Variants in ANGPT4 observed in about 807,000 individuals in gnomAD.
ANGPT4 encodes the protein angiopoietin 4.
ANGPT4 carries 50 observed loss-of-function variants against 53.0 expected under a neutral mutation model. That is an observed-to-expected ratio of 0.94 (90% CI 0.75 to 1.20). The LOEUF is 1.20. ANGPT4 is among the 50% of genes most tolerant of loss of function. The probability of loss-of-function intolerance (pLI) is 0.00; values close to 1 mark genes in which losing one functional copy is unlikely to be tolerated. For synonymous variants in ANGPT4, 251 were observed against 259.7 expected, an observed-to-expected ratio of 0.97 and a Z score of 0.32; for missense variants, 648 against 637.1, an observed-to-expected ratio of 1.02 and a Z score of -0.18.
At position 880,726 on chromosome 20, in the gene ANGPT4, C is replaced by T. The variant is rs184385197; in HGVS notation, c.951+445G>A. Among the ~76,000 whole-genome samples the T allele has an allele frequency of 1.7e-3, 254 of 152,312 alleles. 2 individuals are homozygous for T. The highest frequency in any genetic ancestry group is 5.8e-3 in the African/African-American group (241 of 41,566). ...GATGACTTGACCTTAAATTTTAGGA[C>T]AACCTTGGGAGCCACTGATTGAAAA... On this transcript the variant is annotated intron_variant, in intron 5 of 8. Coordinates refer to ENST00000381922, the MANE Select transcript of ANGPT4 (RefSeq NM_015985.4).
At chr20:875,453 C>T (rs1359714231) in intron 7 of ANGPT4, among the ~76,000 whole-genome samples, 2 of 152,190 alleles carry the variant, frequency 1.3e-5, no homozygotes, top group African/African-American at 2.4e-5. Flanking sequence ...CCTTGGTGGG[C>T]ATGTCCAAGC....
At chr20:904,478 C>A (rs1021293361) in intron 1 of ANGPT4, among the ~76,000 whole-genome samples, 26 of 146,992 alleles carry the variant, frequency 1.8e-4, no homozygotes, top group African/African-American at 6.9e-4. Flanking sequence ...TCTAGCTGGG[C>A]CTGTAGGATG....
chr20:875,694 C>T (rs1357642665), intron 7 of ANGPT4, among the ~76,000 whole-genome samples: 1 of 152,192 alleles, frequency 6.6e-6, no homozygotes, highest in Admixed American at 6.5e-5. Context: ...GGGGTGAGTG[C>T]TCAACATTCA....
At position 916,189 on chromosome 20, in the gene ANGPT4, T is replaced by A; in HGVS notation, c.26A>T (p.Gln9Leu). 6.2e-7 allele frequency: 1 copy of A among 1,613,472 alleles called. No homozygotes were observed. Among genetic ancestry groups the A allele is most frequent in the Non-Finnish European group, 8.5e-7 (1 of 1,179,572 alleles). Residue 9 changes from glutamine to leucine, a missense_variant, in exon 1 of 9, where the codon CAG becomes CTG. Coordinates refer to ENST00000381922, the MANE Select transcript of ANGPT4 (RefSeq NM_015985.4). MLSQLAML[Q>L]GSLLLVVATM... is the part of the protein sequence containing the mutation. ...GGCAACCACAAGGAGGAGGCTGCCC[T>A]GCAGCATGGCTAGCTGGGAGAGCAT...
chr20:887,717 G>A (rs2122794029), intron 3 of ANGPT4, among the ~76,000 whole-genome samples: 1 of 150,716 alleles, frequency 6.6e-6, no homozygotes, highest in East Asian at 2.0e-4. Context: ...CTCTGATAGT[G>A]TGGACAAGAA....
chr20:911,182 C>T lies in ANGPT4; in HGVS notation c.309+4724G>A, dbSNP rs189336135. ...GGCAAGGACCCCACCCTGGGTTCCT[C>T]CTTGGTGCTCTCTTGACCCACACCC... On this transcript the variant is annotated intron_variant, in intron 1 of 8. Coordinates refer to ENST00000381922, the MANE Select transcript of ANGPT4 (RefSeq NM_015985.4). This position sits in a 1 kb window ranked among gnomAD's most constrained non-coding sequence, Gnocchi z 4.9. Among the ~76,000 whole-genome samples the T allele has an allele frequency of 3.3e-5, 5 of 152,322 alleles. No homozygotes were observed. The highest frequency in any genetic ancestry group is 2.0e-4 in the Admixed American group (3 of 15,302).
At chr20:904,621 CG>C (rs1213262722) in intron 1 of ANGPT4, among the ~76,000 whole-genome samples, 2 of 152,178 alleles carry the variant, frequency 1.3e-5, no homozygotes, top group African/African-American at 2.4e-5. Flanking sequence ...TGAAATCACA[CG>C]TTTTTTTGGT....
chr20:903,642 T>C (rs1982368980), intron 1 of ANGPT4, among the ~76,000 whole-genome samples: 3 of 152,208 alleles, frequency 2.0e-5, no homozygotes, highest in Admixed American at 2.0e-4. Flanking sequence ...TTCTTTGCTT[T>C]GGAAACAGGT....
intron 1 of ANGPT4, among the ~76,000 whole-genome samples, chr20:907,388 G>A (rs1982514895): frequency 1.3e-5 from 2 of 152,154 alleles, no homozygotes; most frequent in Non-Finnish European, 2.9e-5. Flanking sequence ...CTGGACTTGG[G>A]AGGGGCTGCC....
At chr20:901,571 G>A (rs1982289527) in intron 1 of ANGPT4, among the ~76,000 whole-genome samples, 1 of 152,306 alleles carries the variant, frequency 6.6e-6, no homozygotes, top group Non-Finnish European at 1.5e-5. Flanking sequence ...AGCCTGTTTG[G>A]TGGTCTCTTC....
chr20:905,256 T>A (rs1201133992), intron 1 of ANGPT4, among the ~76,000 whole-genome samples: 1 of 152,152 alleles, frequency 6.6e-6, no homozygotes, highest in Non-Finnish European at 1.5e-5. Flanking sequence ...ATTTGTCCAA[T>A]TCCCCCACGA....
At chr20:876,008 T>G (rs1981151947) in intron 7 of ANGPT4, among the ~76,000 whole-genome samples, 1 of 151,958 alleles carries the variant, frequency 6.6e-6, no homozygotes, top group African/African-American at 2.4e-5. Context: ...TGCATGCCTG[T>G]AATTCCAGCT....
chr20:907,826 G>A (rs997828255), intron 1 of ANGPT4, among the ~76,000 whole-genome samples: 2 of 152,144 alleles, frequency 1.3e-5, no homozygotes, highest in Non-Finnish European at 2.9e-5. Context: ...TCTAGACACA[G>A]GGAGGCTTTG....
chr20:915,879 C>T (rs772265766), intron 1 of ANGPT4, 27 bp downstream of exon 1: 21 of 1,535,068 alleles, frequency 1.4e-5, no homozygotes, highest in Non-Finnish European at 1.8e-5. Flanking sequence ...CGCCCTCTGC[C>T]CCCTGCAAAC....
intron 1 of ANGPT4, among the ~76,000 whole-genome samples, chr20:902,503 G>A (rs796682052): frequency 4.6e-5 from 7 of 152,178 alleles, no homozygotes; most frequent in Admixed American, 3.3e-4. Flanking sequence ...CAGTGATTGC[G>A]GATATCTACG....
At position 871,120 on chromosome 20, in the gene ANGPT4, T is replaced by C. The variant is rs1432116389; in HGVS notation, c.*1840A>G. On this transcript the variant is annotated 3_prime_UTR_variant, in exon 9 of 9. Coordinates refer to ENST00000381922, the MANE Select transcript of ANGPT4 (RefSeq NM_015985.4). ...AAAGGTCTGCTGGGCAAATGCTGCT[T>C]AAGGCGATTTGAGCTCTCTGGGCAG... The C allele has an allele frequency of 6.6e-6, 1 of 152,256 alleles. No individual in the cohort carries two copies. Among genetic ancestry groups the C allele is most frequent in the African/African-American group, 2.4e-5 (1 of 41,478 alleles). 9.4% of individuals were successfully genotyped at this position (152,256 alleles called of 1,614,324 possible). A position where few individuals can be genotyped will look rare whatever the true frequency, so the allele number is the denominator to read the frequency against.
At chr20:903,468 C>A (rs1454007180) in intron 1 of ANGPT4, among the ~76,000 whole-genome samples, 1 of 152,202 alleles carries the variant, frequency 6.6e-6, no homozygotes, top group African/African-American at 2.4e-5. Context: ...CTGTCAGCAT[C>A]TGTCATTGCT....
rs371448342 is a variant in ANGPT4 at position 912,614 on chromosome 20, G to A, written c.309+3292C>T. ...CTTTCCAGGAGCGAGGAGGAGGAGA[G>A]AGAGGGAGGCAGAAGGAGGGGGAGA... On this transcript the variant is annotated intron_variant, in intron 1 of 8. Transcript: ENST00000381922. Among the ~76,000 whole-genome samples the A allele has an allele frequency of 6.6e-5, 10 of 152,296 alleles. No homozygotes were observed. In the East Asian group the frequency reaches 1.9e-3, roughly 29 times the overall value.
intron 7 of ANGPT4, among the ~76,000 whole-genome samples, chr20:876,883 T>TAA (rs5839886): frequency 2.6e-5 from 4 of 151,852 alleles, no homozygotes; most frequent in South Asian, 4.2e-4. Flanking sequence ...CCTGTTTCTA[T>TAA]AAAAAATACA....
Sources: allele counts gnomAD v4.1 joint callset (sites outside exome capture counted in the v4.1 genomes callset), GRCh38; gene constraint gnomAD v4.1.1; non-coding constraint Gnocchi (gnomAD v3.1); transcripts MANE v1.5; gene names NCBI Gene and HGNC (gene_info 2026-07-23, HGNC 2026-07-21).